Variants in ASH1L observed in about 807,000 individuals in gnomAD.
ASH1L encodes the protein ASH1 like histone lysine methyltransferase, also known as histone-lysine N-methyltransferase ASH1L.
ASH1L carries 23 observed loss-of-function variants against 269.0 expected under a neutral mutation model. The ratio of observed to expected loss-of-function variants is 0.09; its 90% CI spans 0.06 to 0.12. ASH1L has a LOEUF of 0.12. Ranked by LOEUF, ASH1L falls within the 10% of genes least tolerant of loss-of-function variation. ASH1L has a pLI of 1.00. For missense variants in ASH1L, 2,912 were observed against 3,567.8 expected (o/e 0.82, Z 4.68); for synonymous variants, 1,187 against 1,253.5 (o/e 0.95, Z 1.12).
chr1:155,485,085 T>C (rs1198880324), intron 2 of ASH1L, among the ~76,000 whole-genome samples: 3 of 151,494 alleles, frequency 2.0e-5, no homozygotes, highest in African/African-American at 4.8e-5. Flanking sequence ...TGAAACCCCA[T>C]CTCTGGTAAA....
chr1:155,463,874 G>A (rs185649032), intron 3 of ASH1L, among the ~76,000 whole-genome samples: 84 of 152,160 alleles, frequency 5.5e-4, no homozygotes, highest in African/African-American at 1.8e-3. Flanking sequence ...TTAACATCAA[G>A]CATTTACCTT....
rs564654289 is a variant in ASH1L at position 155,365,038 on chromosome 1, T to C, written c.6687-4629A>G. Among the ~76,000 whole-genome samples the C allele has an allele frequency of 1.6e-4, 24 of 152,308 alleles. 1 individual carries two copies. In the South Asian group the frequency reaches 4.6e-3, roughly 29 times the overall value. ...TATTCTATGGACTCACCTTGAATTC[T>C]TTCTTGTGTTCTTTCTTGTGCGAGA... On this transcript the variant is annotated intron_variant, in intron 12 of 27. Coordinates refer to ENST00000392403, the MANE Select transcript of ASH1L (RefSeq NM_018489.3).
At chr1:155,406,095 T>C (rs1008148562) in intron 6 of ASH1L, among the ~76,000 whole-genome samples, 2 of 148,406 alleles carry the variant, frequency 1.3e-5, no homozygotes, top group South Asian at 2.1e-4. Flanking sequence ...TCCAAACTAC[T>C]AGGGAGGCTG....
chr1:155,338,219 A>G lies in ASH1L; in HGVS notation c.8673T>C (p.Gly2891=), dbSNP rs1652479306. 5.0e-6 allele frequency: 8 copies of G among 1,612,392 alleles called. No individual in the cohort carries two copies. Among genetic ancestry groups the G allele is most frequent in the Non-Finnish European group, 5.9e-6 (7 of 1,179,674 alleles). The part of the protein sequence containing the change: ...REGATANVSE[G]EKKTEESSQE... ...GACTACTTTCCTCTGTTTTTTTTTCACCCTCACTGACGTTAGCAGTGGCCC... is the reference window on the plus strand; with the variant it reads ...GACTACTTTCCTCTGTTTTTTTTTCGCCCTCACTGACGTTAGCAGTGGCCC... Residue 2891 remains glycine (G), a synonymous_variant, in exon 27 of 28, where the codon GGT becomes GGC. Coordinates refer to ENST00000392403, the MANE Select transcript of ASH1L (RefSeq NM_018489.3).
intron 10 of ASH1L, among the ~76,000 whole-genome samples, chr1:155,374,753 G>A (rs1382943273): frequency 6.6e-6 from 1 of 152,012 alleles, no homozygotes; most frequent in East Asian, 1.9e-4. Flanking sequence ...TTTTTCTAGA[G>A]AGCTGATCTA....
intron 6 of ASH1L, among the ~76,000 whole-genome samples, chr1:155,398,474 A>G (rs1050945364): frequency 2.6e-5 from 4 of 152,228 alleles, no homozygotes; most frequent in African/African-American, 9.6e-5. Flanking sequence ...ATTTCTAAAC[A>G]TAAGAAAGAT....
intron 4 of ASH1L, among the ~76,000 whole-genome samples, chr1:155,444,317 A>C (rs1019107115): frequency 1.3e-5 from 2 of 152,134 alleles, no homozygotes; most frequent in African/African-American, 4.8e-5. Flanking sequence ...ATGTTTAAGA[A>C]ATTTTTACAA....
chr1:155,440,093 T>C (rs1483093427), intron 4 of ASH1L, among the ~76,000 whole-genome samples: 2 of 152,100 alleles, frequency 1.3e-5, no homozygotes, highest in African/African-American at 4.8e-5. Context: ...AAGGATCACT[T>C]GATGCCAGGA....
intron 4 of ASH1L, among the ~76,000 whole-genome samples, chr1:155,453,757 C>T (rs376189296): frequency 6.6e-6 from 1 of 152,090 alleles, no homozygotes; most frequent in East Asian, 1.9e-4. Context: ...CGAGATTGCA[C>T]CATTGCACTC....
intron 2 of ASH1L, among the ~76,000 whole-genome samples, chr1:155,484,937 A>AC (rs1278140272): frequency 5.0e-5 from 7 of 140,016 alleles, no homozygotes; most frequent in Non-Finnish European, 1.1e-4. Flanking sequence ...TCAAAAAAAA[A>AC]AAAAAACAAA....
At chr1:155,365,995 C>T (rs77351687) in intron 12 of ASH1L, among the ~76,000 whole-genome samples, 6 of 152,100 alleles carry the variant, frequency 3.9e-5, no homozygotes, top group African/African-American at 7.2e-5. Flanking sequence ...ATGTCAGAAG[C>T]GTTTAAACCA....
At chr1:155,458,336 T>G (rs1303827128) in intron 4 of ASH1L, among the ~76,000 whole-genome samples, 1 of 152,230 alleles carries the variant, frequency 6.6e-6, no homozygotes, top group Non-Finnish European at 1.5e-5. Flanking sequence ...ATAATGTCAC[T>G]TCCTTGTTTA....
intron 5 of ASH1L, among the ~76,000 whole-genome samples, chr1:155,435,148 AAAAACAAT>A (rs1382992350): frequency 6.6e-6 from 1 of 152,228 alleles, no homozygotes; most frequent in Non-Finnish European, 1.5e-5. Flanking sequence ...ACTCGGTCTC[AAAAACAAT>A]AACAACAACA....
At chr1:155,337,867 T>A in intron 27 of ASH1L, 116 bp from the exon 28 acceptor site, 1 of 1,136,428 alleles carries the variant, frequency 8.8e-7, no homozygotes, top group Non-Finnish European at 1.3e-6. Flanking sequence ...CTATAAGCAA[T>A]TTAGCCCATC....
intron 4 of ASH1L, among the ~76,000 whole-genome samples, chr1:155,439,675 C>T (rs1048148780): frequency 6.6e-6 from 1 of 151,882 alleles, no homozygotes. Flanking sequence ...GACGACAGAG[C>T]GAGACCCTGT....
intron 16 of ASH1L, among the ~76,000 whole-genome samples, chr1:155,353,119 G>C (rs532387348): frequency 1.3e-5 from 2 of 152,324 alleles, no homozygotes; most frequent in Admixed American, 1.3e-4. Context: ...GCTTCAAAAT[G>C]AATCTATCAG....
In ASH1L at chr1:155,480,716, C is replaced by T; in HGVS notation, c.2154G>A (p.Arg718=). ...PLKKRKGRKP[R]WTKVVARSTC... is the part of the protein sequence containing the mutation. ...TGCTTCTTGCCACCACTTTAGTCCA[C>T]CGAGGTTTTCTTCCTTTTCTTTTTT... The change falls in exon 3 of 28, where the codon CGG becomes CGA. Residue 718 remains arginine, a synonymous_variant. Coordinates refer to ENST00000392403, the MANE Select transcript of ASH1L (RefSeq NM_018489.3). The T allele has an allele frequency of 1.2e-6, 2 of 1,613,722 alleles. No homozygotes were observed. Among genetic ancestry groups the T allele is most frequent in the Non-Finnish European group, 1.7e-6 (2 of 1,179,966 alleles).
intron 5 of ASH1L, among the ~76,000 whole-genome samples, chr1:155,416,924 CCTTTT>C (rs988473660): frequency 7.7e-5 from 11 of 143,216 alleles, no homozygotes; most frequent in African/African-American, 2.8e-4. Context: ...TCTTTTCTTT[CCTTTT>C]CTTTTTTTTT....
At chr1:155,506,594 G>C (rs1667831410) in intron 2 of ASH1L, among the ~76,000 whole-genome samples, 1 of 152,058 alleles carries the variant, frequency 6.6e-6, no homozygotes, top group African/African-American at 2.4e-5. Flanking sequence ...CTACCTGGGA[G>C]GCTGAGGTGG....
Sources: allele counts gnomAD v4.1 joint callset (sites outside exome capture counted in the v4.1 genomes callset), GRCh38; gene constraint gnomAD v4.1.1; transcripts MANE v1.5; gene names NCBI Gene and HGNC (gene_info 2026-07-23, HGNC 2026-07-21).